UBE3C: variants seen among roughly 807,000 people sequenced by gnomAD.
UBE3C encodes the protein ubiquitin protein ligase E3C.
UBE3C carries 42 observed loss-of-function variants against 129.4 expected under a neutral mutation model. That is an observed-to-expected ratio of 0.32 (90% CI 0.25 to 0.42). UBE3C has a LOEUF of 0.42. Among genes scored for constraint, UBE3C ranks in the 10% least tolerant of loss-of-function variants. The probability of loss-of-function intolerance (pLI) is 1.00; values close to 1 mark genes in which losing one functional copy is unlikely to be tolerated. For synonymous variants in UBE3C, 510 were observed against 492.4 expected (o/e 1.04, Z -0.47); for missense variants, 1,049 against 1,319.1 (o/e 0.80, Z 3.17).
At chr7:157,142,040 A>T (rs1267634793) in intron 1 of UBE3C, among the ~76,000 whole-genome samples, 1 of 152,214 alleles carries the variant, frequency 6.6e-6, no homozygotes, top group African/African-American at 2.4e-5. Context: ...AGGTTTCCAC[A>T]TCCTTGCCAA....
At chr7:157,231,511 G>T (rs1796021051) in intron 18 of UBE3C, 184 bp downstream of exon 18, 1 of 789,522 alleles carries the variant, frequency 1.3e-6, no homozygotes, top group Non-Finnish European at 1.9e-6. Flanking sequence ...TGGTTTGAAT[G>T]TCCCCTCCAA....
intron 22 of UBE3C, among the ~76,000 whole-genome samples, chr7:157,259,378 TC>T (rs1332770196): frequency 6.6e-6 from 1 of 152,234 alleles, no homozygotes; most frequent in East Asian, 1.9e-4. Flanking sequence ...TTGAGAATGT[TC>T]GTCAATGTGA....
At chr7:157,242,782 T>C (rs901059519) in intron 18 of UBE3C, among the ~76,000 whole-genome samples, 2 of 151,886 alleles carry the variant, frequency 1.3e-5, no homozygotes, top group African/African-American at 4.8e-5. Context: ...TCGAGCCAGG[T>C]CTGGTGGCTC....
intron 1 of UBE3C, among the ~76,000 whole-genome samples, chr7:157,152,362 G>A (rs886714411): frequency 2.6e-5 from 4 of 152,162 alleles, no homozygotes; most frequent in South Asian, 2.1e-4. Flanking sequence ...TTAGAGATGC[G>A]TGGGGGGCAG....
At chr7:157,186,690 TAA>T (rs1433833488) in intron 9 of UBE3C, 142 bp from the exon 10 acceptor site, 9 of 887,328 alleles carry the variant, frequency 1.0e-5, no homozygotes, top group Non-Finnish European at 1.5e-5. Context: ...GATTTCACAC[TAA>T]GTGTACTGTG....
chr7:157,253,790 T>C (rs917508154), intron 19 of UBE3C, among the ~76,000 whole-genome samples, 164 bp from the exon 20 acceptor site: 5 of 152,232 alleles, frequency 3.3e-5, no homozygotes, highest in African/African-American at 1.2e-4. Context: ...AGGTGCATCT[T>C]GGCATCTGCA....
Position 157,183,948 on chromosome 7 carries a change from C to A in UBE3C, c.1062C>A (p.Val354=), listed in dbSNP as rs767735059. ...AGACCTTCCTCTCTCAGTTACCAGTCTCTCCTGCCAGCGCGAGCTGTCACG... is the reference window on the plus strand; with the variant it reads ...AGACCTTCCTCTCTCAGTTACCAGTATCTCCTGCCAGCGCGAGCTGTCACG... ...VLQTFLSQLP[V]SPASASCHDS... is the part of the protein sequence containing the mutation. The change falls in exon 9 of 23, where the codon GTC becomes GTA. Residue 354 remains valine, a synonymous_variant. Transcript: ENST00000348165. 2.5e-6 allele frequency: 4 copies of A among 1,614,066 alleles called. No homozygotes were observed. Among genetic ancestry groups the A allele is most frequent in the Non-Finnish European group, 3.4e-6 (4 of 1,180,038 alleles).
In UBE3C at chr7:157,139,252, C is replaced by A; in HGVS notation, c.-21C>A. 1 of 1,512,520 alleles carries A rather than the reference C, an allele frequency of 6.6e-7. No homozygotes were observed. The highest frequency in any genetic ancestry group is 8.8e-7 in the Non-Finnish European group (1 of 1,132,938). 93.7% of individuals were successfully genotyped at this position (1,512,520 alleles called of 1,614,324 possible). ...GCTGCTTCCGCGGCGGCGCTGCCCG[C>A]ACATGGGCTAGGCTGCCAGGATGTT... On this transcript the variant is annotated 5_prime_UTR_variant, in exon 1 of 23. Coordinates refer to ENST00000348165, the MANE Select transcript of UBE3C (RefSeq NM_014671.3).
At chr7:157,223,527 T>A (rs1177693582) in intron 16 of UBE3C, among the ~76,000 whole-genome samples, 176 bp downstream of exon 16, 2 of 151,768 alleles carry the variant, frequency 1.3e-5, no homozygotes, top group African/African-American at 2.4e-5. Flanking sequence ...AGATACCTCT[T>A]TTTACAAACT....
intron 17 of UBE3C, among the ~76,000 whole-genome samples, chr7:157,229,594 G>A (rs1172934359): frequency 6.6e-6 from 1 of 152,076 alleles, no homozygotes; most frequent in Admixed American, 6.6e-5. Flanking sequence ...TGGGATTACA[G>A]GCATGTGCCA....
At chr7:157,218,922 A>C (rs917409835) in intron 14 of UBE3C, among the ~76,000 whole-genome samples, 2 of 152,092 alleles carry the variant, frequency 1.3e-5, no homozygotes, top group African/African-American at 2.4e-5. Context: ...GAACCATCTC[A>C]TTATTTTGAA....
At chr7:157,176,364 T>C (rs1275318184) in intron 5 of UBE3C, among the ~76,000 whole-genome samples, 1 of 152,148 alleles carries the variant, frequency 6.6e-6, no homozygotes, top group Non-Finnish European at 1.5e-5. Context: ...AACCACTGCC[T>C]CCTGGGTTCA....
At chr7:157,265,674 G>A (rs994456128) in intron 22 of UBE3C, among the ~76,000 whole-genome samples, 57 of 152,152 alleles carry the variant, frequency 3.7e-4, no homozygotes, top group African/African-American at 1.2e-3. Context: ...AGCACGGCAC[G>A]GAATACTGTG....
intron 13 of UBE3C, among the ~76,000 whole-genome samples, chr7:157,210,296 T>A (rs918447337): frequency 6.6e-6 from 1 of 152,038 alleles, no homozygotes; most frequent in African/African-American, 2.4e-5. Flanking sequence ...TTTTTTTTTT[T>A]AAAGGATTTC....
chr7:157,174,955 CTGTT>C lies in UBE3C; in HGVS notation c.383_386del (p.Phe128SerfsTer16), dbSNP rs776968248. 60 of 1,612,776 alleles carry C rather than the reference CTGTT, an allele frequency of 3.7e-5. No individual in the cohort carries two copies. Among genetic ancestry groups the C allele is most frequent in the East Asian group, 4.5e-5 (2 of 44,800 alleles). On this transcript the variant is annotated frameshift_variant, in exon 5 of 23. Transcript: ENST00000348165. LOFTEE classifies it high-confidence loss of function. ...TCAGAACTTAATTAAACACAGCTCT[CTGTT>C]TGTCAAGCAGTTGGATGGATCTGAG... is the stretch of plus-strand genomic sequence containing the variant.
At chr7:157,237,562 C>T (rs924384656) in intron 18 of UBE3C, among the ~76,000 whole-genome samples, 8 of 152,138 alleles carry the variant, frequency 5.3e-5, no homozygotes, top group Non-Finnish European at 7.3e-5. Flanking sequence ...TTTCTCATCA[C>T]GCCCAAGCAA....
chr7:157,267,414 T>C (rs1397432270), intron 22 of UBE3C, among the ~76,000 whole-genome samples, 171 bp from the exon 23 acceptor site: 1 of 152,120 alleles, frequency 6.6e-6, no homozygotes, highest in Non-Finnish European at 1.5e-5. Context: ...AGAGCTAGAC[T>C]CCATCTCAAA....
intron 4 of UBE3C, among the ~76,000 whole-genome samples, chr7:157,170,980 A>G (rs780093456): frequency 8.6e-5 from 13 of 151,344 alleles, no homozygotes; most frequent in Non-Finnish European, 1.3e-4. Context: ...TGTTAAGGCT[A>G]ATTTTTTTTT....
At chr7:157,264,324 A>G (rs1467573104) in intron 22 of UBE3C, among the ~76,000 whole-genome samples, 8 of 127,020 alleles carry the variant, frequency 6.3e-5, no homozygotes, top group African/African-American at 1.9e-4. Context: ...CACACCTGGT[A>G]TTACAGGTGT....
Sources: allele counts gnomAD v4.1 joint callset (sites outside exome capture counted in the v4.1 genomes callset), GRCh38; gene constraint gnomAD v4.1.1; transcripts MANE v1.5; gene names NCBI Gene and HGNC (gene_info 2026-07-23, HGNC 2026-07-21).